Variants in NIBAN2 observed in about 807,000 individuals in gnomAD.
The protein encoded by NIBAN2 is niban apoptosis regulator 2.
Under a neutral mutation model 81.8 loss-of-function variants are expected in NIBAN2, and 36 were observed. The observed-to-expected ratio is 0.44, with a 90% CI of 0.34 to 0.58. NIBAN2 has a LOEUF of 0.58. Ranked by LOEUF, NIBAN2 falls within the 20% of genes least tolerant of loss-of-function variation. NIBAN2 has a pLI of 0.02. For synonymous variants in NIBAN2, 445 were observed against 441.6 expected, an observed-to-expected ratio of 1.01 and a Z score of -0.10; for missense variants, 897 against 1,014.1, an observed-to-expected ratio of 0.88 and a Z score of 1.57.
chr9:127,527,606 G>A (rs1402454053), intron 2 of NIBAN2, among the ~76,000 whole-genome samples: 2 of 152,186 alleles, frequency 1.3e-5, no homozygotes, highest in East Asian at 3.9e-4. Context: ...GTAGGGCCTG[G>A]CCACAGCCAG....
rs772668983 is a variant in NIBAN2 at position 127,523,814 on chromosome 9, G to T, written c.454C>A (p.Leu152Ile). 8 of 1,612,956 alleles carry T rather than the reference G, an allele frequency of 5.0e-6. No individual in the cohort carries two copies. In the East Asian group the frequency reaches 1.8e-4, roughly 36 times the overall value. Residue 152 changes from leucine to isoleucine, a missense_variant, in exon 5 of 14, where the codon CTC becomes ATC. Transcript: ENST00000373312. Reference protein sequence around the residue: ...TTAKSGSAPILKCPTQFPLIL... With the variant: ...TTAKSGSAPIIKCPTQFPLIL... ...AGCGGGAACTGTGTGGGGCACTTGA[G>T]GATGGGGGCACTGCCCGACTTTGCC...
chr9:127,520,993 G>A (rs1312090926), intron 5 of NIBAN2, among the ~76,000 whole-genome samples: 11 of 152,184 alleles, frequency 7.2e-5, no homozygotes, highest in African/African-American at 2.2e-4. Context: ...GGGAGAAGGC[G>A]GCCGGCCACC....
intron 1 of NIBAN2, among the ~76,000 whole-genome samples, chr9:127,566,115 G>C (rs1270209453): frequency 6.6e-6 from 1 of 151,962 alleles, no homozygotes; most frequent in Non-Finnish European, 1.5e-5. Flanking sequence ...CTGGGTGACA[G>C]AGCAAGACCT....
chr9:127,546,595 A>G (rs2132214902), intron 1 of NIBAN2, among the ~76,000 whole-genome samples: 1 of 152,312 alleles, frequency 6.6e-6, no homozygotes, highest in Non-Finnish European at 1.5e-5. Context: ...GGTCACAACC[A>G]CTGGGGCAGG....
chr9:127,578,453 G>C (rs2132251387), intron 1 of NIBAN2, among the ~76,000 whole-genome samples: 1 of 151,666 alleles, frequency 6.6e-6, no homozygotes, highest in East Asian at 1.9e-4. Flanking sequence ...TCTGAGCTCA[G>C]GAGTTCAAGA....
upstream of NIBAN2, among the ~76,000 whole-genome samples, chr9:127,569,939 G>A (rs1426880064): frequency 1.3e-5 from 2 of 152,192 alleles, no homozygotes; most frequent in Admixed American, 1.3e-4. Flanking sequence ...ATGGGGCTGG[G>A]CATGGGTGGG....
At chr9:127,575,279 A>T (rs1837995153) in intron 1 of NIBAN2, among the ~76,000 whole-genome samples, 1 of 147,212 alleles carries the variant, frequency 6.8e-6, no homozygotes, top group Non-Finnish European at 1.5e-5. Flanking sequence ...CCCAGGCTGG[A>T]GTGCAGTGGT....
chr9:127,555,305 G>C (rs1009475944), intron 1 of NIBAN2, among the ~76,000 whole-genome samples: 1 of 152,146 alleles, frequency 6.6e-6, no homozygotes, highest in African/African-American at 2.4e-5. Context: ...GAAGGGGGAC[G>C]ACCACCCTTA....
intron 1 of NIBAN2, among the ~76,000 whole-genome samples, chr9:127,564,701 T>C (rs1837828471): frequency 6.6e-6 from 1 of 151,850 alleles, no homozygotes; most frequent in African/African-American, 2.4e-5. Context: ...GGTGAAACCC[T>C]GTCTCTACTA....
rs1288723827 is a variant in NIBAN2 at position 127,527,176 on chromosome 9, C to T, written c.315+18G>A. On this transcript the variant is annotated intron_variant, in intron 3 of 13. Transcript: ENST00000373312. ...GAAAGCGGGGAGGCTCAGTGTGGCG[C>T]CCGGGGCCAGGCCTCACCGCTTTGT... is the stretch of plus-strand genomic sequence containing the variant. 6.2e-7 allele frequency: 1 copy of T among 1,611,230 alleles called. No individual in the cohort carries two copies.
chr9:127,519,536 C>T (rs930775720), intron 5 of NIBAN2, among the ~76,000 whole-genome samples: 2 of 152,242 alleles, frequency 1.3e-5, no homozygotes, highest in African/African-American at 4.8e-5. Flanking sequence ...GAGTCACCAC[C>T]GGCAGAGAAA....
chr9:127,544,345 G>A (rs1211869819), intron 1 of NIBAN2, among the ~76,000 whole-genome samples: 1 of 152,102 alleles, frequency 6.6e-6, no homozygotes, highest in Non-Finnish European at 1.5e-5. Flanking sequence ...TGTAAAATGG[G>A]TATAATGTCA....
chr9:127,508,002 T>C lies in NIBAN2; in HGVS notation c.1543-24A>G. 6.2e-7 allele frequency: 1 copy of C among 1,613,312 alleles called. No homozygotes were observed. The highest frequency in any genetic ancestry group is 8.5e-7 in the Non-Finnish European group (1 of 1,179,470). ...TCCTGCCCGGGTGGGGCGGCAGAGA[T>C]GAGAGGTCAGGGCCAAGGGTAGAGG... On this transcript the variant is annotated intron_variant, in intron 12 of 13. Transcript: ENST00000373312. This position sits in a 1 kb window ranked among gnomAD's most constrained non-coding sequence, Gnocchi z 6.4.
At chr9:127,571,041 T>C (rs3927766), upstream of NIBAN2, among the ~76,000 whole-genome samples, 110,856 of 152,232 alleles carry the variant, frequency 0.73, 40,529 homozygotes, top group Middle Eastern at 0.77. Flanking sequence ...GCAGGGTCTG[T>C]TCTGCCCAGG....
intron 3 of NIBAN2, among the ~76,000 whole-genome samples, chr9:127,525,858 C>T (rs1297195525): frequency 6.6e-6 from 1 of 152,150 alleles, no homozygotes; most frequent in Admixed American, 6.5e-5. Flanking sequence ...TGAACTGCCC[C>T]CACCAATTTC....
Position 127,569,055 on chromosome 9 carries a change from C to A in NIBAN2, c.-181G>T. On this transcript the variant is annotated 5_prime_UTR_variant, in exon 1 of 14. Transcript: ENST00000373312. Reference sequence around the variant, plus strand: ...GGCTCCGCTCCCGGTCGGGCCCCGTCCCTCCAGCCGGCCGCCTTGGCCCCC... The same window carrying A: ...GGCTCCGCTCCCGGTCGGGCCCCGTACCTCCAGCCGGCCGCCTTGGCCCCC... 1 of 1,087,848 alleles carries A rather than the reference C, an allele frequency of 9.2e-7. No individual in the cohort carries two copies. The highest frequency in any genetic ancestry group is 1.1e-6 in the Non-Finnish European group (1 of 897,518). 67.4% of individuals were successfully genotyped at this position (1,087,848 alleles called of 1,614,324 possible).
At chr9:127,541,764 C>A (rs748281137) in intron 1 of NIBAN2, among the ~76,000 whole-genome samples, 1 of 152,134 alleles carries the variant, frequency 6.6e-6, no homozygotes, top group African/African-American at 2.4e-5. Context: ...AGGGACCATA[C>A]CAGAGAAGGC....
intron 1 of NIBAN2, among the ~76,000 whole-genome samples, chr9:127,564,292 C>G (rs183377642): frequency 1.9e-5 from 2 of 102,782 alleles, no homozygotes; most frequent in East Asian, 5.5e-4. Context: ...GACTCTGTAT[C>G]AAAAAAAAAA....
intron 3 of NIBAN2, among the ~76,000 whole-genome samples, chr9:127,526,727 G>A (rs1306500908): frequency 6.6e-6 from 1 of 152,176 alleles, no homozygotes; most frequent in Non-Finnish European, 1.5e-5. Flanking sequence ...TGCTCCCATA[G>A]GATGTCCTTC....
Sources: allele counts gnomAD v4.1 joint callset (sites outside exome capture counted in the v4.1 genomes callset), GRCh38; gene constraint gnomAD v4.1.1; non-coding constraint Gnocchi (gnomAD v3.1); transcripts MANE v1.5; gene names NCBI Gene and HGNC (gene_info 2026-07-23, HGNC 2026-07-21).